FSTL4: variants seen among roughly 807,000 people sequenced by gnomAD.
FSTL4 encodes follistatin-related protein 4.
Under a neutral mutation model 78.2 loss-of-function variants are expected in FSTL4, and 28 were observed. That is an observed-to-expected ratio of 0.36 (90% CI 0.27 to 0.49). FSTL4 has a LOEUF of 0.49. Ranked by LOEUF, FSTL4 falls within the 20% of genes least tolerant of loss-of-function variation. The pLI is 0.98. For missense variants in FSTL4, 922 were observed against 1,084.9 expected (o/e 0.85, Z 2.11); for synonymous variants, 422 against 440.5 (o/e 0.96, Z 0.53).
chr5:133,366,802 G>A (rs1016297219), intron 4 of FSTL4, among the ~76,000 whole-genome samples: 1 of 151,712 alleles, frequency 6.6e-6, no homozygotes, highest in Admixed American at 6.6e-5. Flanking sequence ...ATAGTAATGG[G>A]ACCATTTTCA....
At chr5:133,739,608 C>G in the FSTL4 span, among the ~76,000 whole-genome samples, 2 of 152,190 alleles carry the variant, frequency 1.3e-5, no homozygotes, top group Non-Finnish European at 2.9e-5. Context: ...TAGGAGCCCG[C>G]CTAAATCTTC....
chr5:133,674,745 T>C, the FSTL4 span, among the ~76,000 whole-genome samples: 3 of 152,216 alleles, frequency 2.0e-5, no homozygotes, highest in South Asian at 4.2e-4. Flanking sequence ...TAAATTCAAA[T>C]TGAATACATC....
At chr5:133,625,614 A>G in the FSTL4 span, among the ~76,000 whole-genome samples, 1 of 146,230 alleles carries the variant, frequency 6.8e-6, no homozygotes, top group East Asian at 2.0e-4. Flanking sequence ...CAATGTCATC[A>G]ATTTCTTTTC....
At chr5:133,712,787 C>A in the FSTL4 span, among the ~76,000 whole-genome samples, 2 of 152,342 alleles carry the variant, frequency 1.3e-5, no homozygotes, top group East Asian at 3.9e-4. Flanking sequence ...CCCAAGGGGG[C>A]CACTTTGAAG....
At chr5:133,410,321 T>C (rs1306244306) in intron 3 of FSTL4, among the ~76,000 whole-genome samples, 1 of 152,184 alleles carries the variant, frequency 6.6e-6, no homozygotes, top group Non-Finnish European at 1.5e-5. Flanking sequence ...TTCCTTCAGG[T>C]ACTTAGCTCC....
At chr5:133,630,405 A>G in the FSTL4 span, among the ~76,000 whole-genome samples, 1 of 152,220 alleles carries the variant, frequency 6.6e-6, no homozygotes, top group Non-Finnish European at 1.5e-5. Flanking sequence ...TGCTACAAAG[A>G]GAATAAAATA....
Position 133,426,003 on chromosome 5 carries a change from C to T in FSTL4, c.161-25017G>A, listed in dbSNP as rs879413325. ...AGTCTTCCTGTCTAAGTGCTGGGGA[C>T]CCCCCCTGAGCAAGACCCTTCTCTC... On this transcript the variant is annotated intron_variant, in intron 3 of 15. Coordinates refer to ENST00000265342, the MANE Select transcript of FSTL4 (RefSeq NM_015082.2). The surrounding 1 kb of genome is among the most constrained non-coding windows in gnomAD (Gnocchi z 5.0). Among the ~76,000 whole-genome samples the T allele has an allele frequency of 1.3e-5, 2 of 151,238 alleles. No homozygotes were observed. Among genetic ancestry groups the T allele is most frequent in the Admixed American group, 1.3e-4 (2 of 15,252 alleles).
At chr5:133,266,984 A>G (rs1752658282) in intron 6 of FSTL4, among the ~76,000 whole-genome samples, 1 of 152,346 alleles carries the variant, frequency 6.6e-6, no homozygotes, top group Non-Finnish European at 1.5e-5. Context: ...TAAGAGCACA[A>G]AGGTCCCCAC....
At chr5:133,314,491 T>C (rs1174634968) in intron 5 of FSTL4, among the ~76,000 whole-genome samples, 1 of 152,108 alleles carries the variant, frequency 6.6e-6, no homozygotes, top group Non-Finnish European at 1.5e-5. Flanking sequence ...GGAGGGCCTA[T>C]GTTCCAAAGC....
At chr5:133,575,398 G>T (rs1276479114) in intron 2 of FSTL4, 1 of 151,720 alleles carries the variant, frequency 6.6e-6, no homozygotes, top group African/African-American at 2.4e-5. Flanking sequence ...ATCTGTAAAG[G>T]CAGAAATAGC....
At position 133,294,697 on chromosome 5, in the gene FSTL4, C is replaced by T. The variant is rs1203066644; in HGVS notation, c.727+17957G>A. Among the ~76,000 whole-genome samples the T allele has an allele frequency of 3.3e-5, 5 of 152,318 alleles. No homozygotes were observed. In the East Asian group the frequency reaches 9.6e-4, roughly 29 times the overall value. Reference sequence around the variant, plus strand: ...ATAGCAGCCTGAAAACTCATATCTACAGGCATCCTACTCTCTGATCACCTC... The same window carrying T: ...ATAGCAGCCTGAAAACTCATATCTATAGGCATCCTACTCTCTGATCACCTC... On this transcript the variant is annotated intron_variant, in intron 6 of 15. Coordinates refer to ENST00000265342, the MANE Select transcript of FSTL4 (RefSeq NM_015082.2).
At chr5:133,264,172 A>G (rs1257692605) in intron 6 of FSTL4, among the ~76,000 whole-genome samples, 1 of 152,224 alleles carries the variant, frequency 6.6e-6, no homozygotes, top group African/African-American at 2.4e-5. Flanking sequence ...TCTCCATGAC[A>G]AAGAATTAAA....
the FSTL4 span, among the ~76,000 whole-genome samples, chr5:133,764,517 C>A: frequency 1.3e-5 from 2 of 152,190 alleles, no homozygotes; most frequent in African/African-American, 4.8e-5. Flanking sequence ...TCCCCCAATT[C>A]CTTGCAAATC....
At chr5:133,747,537 C>A in the FSTL4 span, among the ~76,000 whole-genome samples, 4 of 152,064 alleles carry the variant, frequency 2.6e-5, no homozygotes, top group Non-Finnish European at 5.9e-5. Flanking sequence ...CTCAGCCTAC[C>A]CACCCCAGCT....
At chr5:133,691,463 C>T in the FSTL4 span, among the ~76,000 whole-genome samples, 1 of 152,134 alleles carries the variant, frequency 6.6e-6, no homozygotes, top group African/African-American at 2.4e-5. Flanking sequence ...CTCTGACCCA[C>T]ATCTAAATTC....
At chr5:133,554,227 C>T (rs1253042130) in intron 3 of FSTL4, among the ~76,000 whole-genome samples, 2 of 152,214 alleles carry the variant, frequency 1.3e-5, no homozygotes, top group African/African-American at 4.8e-5. Flanking sequence ...GGCTACGCAG[C>T]TGACCTTTGG....
At chr5:133,456,369 AC>A (rs1320913755) in intron 3 of FSTL4, among the ~76,000 whole-genome samples, 1 of 152,190 alleles carries the variant, frequency 6.6e-6, no homozygotes, top group African/African-American at 2.4e-5. Context: ...TTTGGCTTCT[AC>A]TTTTTGCTTT....
chr5:133,680,315 T>C, the FSTL4 span, among the ~76,000 whole-genome samples: 5 of 152,190 alleles, frequency 3.3e-5, no homozygotes, highest in African/African-American at 9.7e-5. Context: ...CTCTATAGCA[T>C]GCGGCTAAGA....
chr5:133,633,985 C>T, the FSTL4 span, among the ~76,000 whole-genome samples: 1 of 152,102 alleles, frequency 6.6e-6, no homozygotes, highest in Non-Finnish European at 1.5e-5. Context: ...ACATGGCTTC[C>T]ACTGACATCA....
Sources: gnomAD v4.1 joint callset for allele counts (sites outside exome capture counted in the v4.1 genomes callset) on GRCh38, gnomAD v4.1.1 for gene constraint, Gnocchi (gnomAD v3.1) non-coding constraint, MANE v1.5 for transcripts, NCBI Gene and HGNC (gene_info 2026-07-23, HGNC 2026-07-21) for gene names.